SWAP70: variants seen among roughly 807,000 people sequenced by gnomAD.
SWAP70 encodes the protein switching B cell complex subunit SWAP70, also known as switch-associated protein 70.
Under a neutral mutation model 80.2 loss-of-function variants are expected in SWAP70, and 34 were observed. The ratio of observed to expected loss-of-function variants is 0.42; its 90% CI spans 0.32 to 0.56. The LOEUF is 0.56. Ranked by LOEUF, SWAP70 falls within the 20% of genes least tolerant of loss-of-function variation. SWAP70 has a pLI of 0.09. For missense variants in SWAP70, 578 were observed against 690.7 expected, an observed-to-expected ratio of 0.84 and a Z score of 1.83; for synonymous variants, 239 against 238.5, an observed-to-expected ratio of 1.00 and a Z score of -0.02.
chr11:9,696,024 TA>T (rs1362376431), intron 2 of SWAP70, among the ~76,000 whole-genome samples: 1 of 152,136 alleles, frequency 6.6e-6, no homozygotes. Context: ...CAATGGTTGT[TA>T]AAGTGTGGAA....
At chr11:9,691,931 T>C (rs1850702321) in intron 1 of SWAP70, among the ~76,000 whole-genome samples, 1 of 152,186 alleles carries the variant, frequency 6.6e-6, no homozygotes, top group Admixed American at 6.5e-5. Context: ...TATCTGGAAA[T>C]TTTTGTATTT....
intron 6 of SWAP70, among the ~76,000 whole-genome samples, chr11:9,731,654 A>G (rs1048993591): frequency 1.3e-5 from 2 of 152,182 alleles, no homozygotes; most frequent in Non-Finnish European, 2.9e-5. Context: ...GAACTGTGAG[A>G]TAGATTAAAT....
At chr11:9,735,328 A>C (rs1228036985) in intron 7 of SWAP70, among the ~76,000 whole-genome samples, 2 of 152,262 alleles carry the variant, frequency 1.3e-5, no homozygotes. Flanking sequence ...ATATCAGTAT[A>C]AAGAGAGTTA....
chr11:9,728,361 A>G (rs1851253610), intron 5 of SWAP70, among the ~76,000 whole-genome samples, 162 bp downstream of exon 5: 1 of 152,248 alleles, frequency 6.6e-6, no homozygotes, highest in South Asian at 2.1e-4. Flanking sequence ...TTCTGAACCA[A>G]AAATTAAACA....
At chr11:9,696,019 G>T (rs1401989869) in intron 2 of SWAP70, among the ~76,000 whole-genome samples, 1 of 152,100 alleles carries the variant, frequency 6.6e-6, no homozygotes, top group Non-Finnish European at 1.5e-5. Flanking sequence ...TGGGGCAATG[G>T]TTGTTAAAGT....
At chr11:9,744,628 G>A (rs751338016) in intron 9 of SWAP70, among the ~76,000 whole-genome samples, 9 of 152,138 alleles carry the variant, frequency 5.9e-5, no homozygotes, top group Non-Finnish European at 1.0e-4. Context: ...CAAGTTATTG[G>A]CCGGACATGG....
At chr11:9,699,405 C>A (rs975563675) in intron 2 of SWAP70, among the ~76,000 whole-genome samples, 1 of 151,628 alleles carries the variant, frequency 6.6e-6, no homozygotes, top group African/African-American at 2.4e-5. Context: ...TGTTGCTGTT[C>A]TGTTTATTGC....
At chr11:9,746,130 T>C (rs753763814) in intron 9 of SWAP70, among the ~76,000 whole-genome samples, 16 of 152,210 alleles carry the variant, frequency 1.1e-4, no homozygotes, top group Non-Finnish European at 1.8e-4. Context: ...GCCAGGTGCT[T>C]CAGAGTCAAA....
At chr11:9,737,930 G>T (rs769384326) in intron 7 of SWAP70, among the ~76,000 whole-genome samples, 2 of 152,154 alleles carry the variant, frequency 1.3e-5, no homozygotes, top group Non-Finnish European at 2.9e-5. Flanking sequence ...TCTCATGAAT[G>T]CAATCCCAAG....
chr11:9,732,465 T>G (rs1489783667), intron 6 of SWAP70, 64 bp from the exon 7 acceptor site: 1 of 1,477,338 alleles, frequency 6.8e-7, no homozygotes, highest in African/African-American at 1.4e-5. Flanking sequence ...GCCATTTGCA[T>G]AGTAGGCTTA....
rs1851606642 is a variant in SWAP70 at position 9,752,697 on chromosome 11, C to G, written c.*2727C>G. 1.3e-5 allele frequency: 2 copies of G among 152,070 alleles called. No homozygotes were observed. Among genetic ancestry groups the G allele is most frequent in the Non-Finnish European group, 2.9e-5 (2 of 68,010 alleles). The allele number at this position is 152,070 out of a possible 1,614,324, so 9.4% of individuals were successfully genotyped here. A position where few individuals can be genotyped will look rare whatever the true frequency, so the allele number is the denominator to read the frequency against. ...TTGAGTGCTTGTCATCAGGTGTTTT[C>G]CTTAATAAGTAGGGATATGATCATT... On this transcript the variant is annotated 3_prime_UTR_variant, in exon 12 of 12. Coordinates refer to ENST00000318950, the MANE Select transcript of SWAP70 (RefSeq NM_015055.4).
intron 1 of SWAP70, among the ~76,000 whole-genome samples, chr11:9,669,146 G>A (rs1029648260): frequency 1.3e-5 from 2 of 152,206 alleles, no homozygotes; most frequent in African/African-American, 4.8e-5. Flanking sequence ...TCTCACTGGT[G>A]TGATTGCTTT....
chr11:9,692,122 C>T (rs1369931571), intron 1 of SWAP70, among the ~76,000 whole-genome samples: 3 of 151,872 alleles, frequency 2.0e-5, no homozygotes, highest in African/African-American at 7.3e-5. Context: ...CTTCCTTTTA[C>T]ACCTCATTTC....
intron 1 of SWAP70, among the ~76,000 whole-genome samples, chr11:9,669,885 T>G (rs924286522): frequency 6.6e-6 from 1 of 152,082 alleles, no homozygotes; most frequent in African/African-American, 2.4e-5. Context: ...CCCAGCACTT[T>G]GGGAGGCTGA....
chr11:9,671,090 T>A (rs1043146716), intron 1 of SWAP70, among the ~76,000 whole-genome samples: 6 of 140,492 alleles, frequency 4.3e-5, no homozygotes, highest in Non-Finnish European at 7.6e-5. Context: ...TAAATATAAA[T>A]ATATATAAAT....
intron 2 of SWAP70, among the ~76,000 whole-genome samples, chr11:9,708,291 CTAACAA>C (rs970656053): frequency 9.2e-5 from 14 of 152,176 alleles, no homozygotes; most frequent in African/African-American, 3.1e-4. Context: ...TCTCCACATC[CTAACAA>C]TAACACTTGT....
At chr11:9,704,663 G>C (rs1165575271) in intron 2 of SWAP70, among the ~76,000 whole-genome samples, 1 of 152,188 alleles carries the variant, frequency 6.6e-6, no homozygotes, top group Non-Finnish European at 1.5e-5. Context: ...AAAGCGCTGA[G>C]ATTGCAGGCA....
intron 3 of SWAP70, among the ~76,000 whole-genome samples, chr11:9,720,794 C>T (rs574120665): frequency 6.6e-6 from 1 of 152,106 alleles, no homozygotes; most frequent in South Asian, 2.1e-4. Flanking sequence ...CTTTTTCTTG[C>T]TTTTATCTCT....
At chr11:9,746,730 G>A (rs1496475) in intron 9 of SWAP70, among the ~76,000 whole-genome samples, 15,120 of 152,226 alleles carry the variant, frequency 0.099, 1,910 homozygotes, top group East Asian at 0.28. Context: ...CTAGGGTAGT[G>A]GATGGGAGAA....
Sources: gnomAD v4.1 joint callset for allele counts (sites outside exome capture counted in the v4.1 genomes callset) on GRCh38, gnomAD v4.1.1 for gene constraint, MANE v1.5 for transcripts, NCBI Gene and HGNC (gene_info 2026-07-23, HGNC 2026-07-21) for gene names.